ZNF385B: variants seen among roughly 807,000 people sequenced by gnomAD.
ZNF385B encodes the protein zinc finger protein 533.
In ZNF385B, 23 loss-of-function variants were observed where a neutral mutation model predicts 39.2. The observed-to-expected ratio is 0.59, with a 90% confidence interval of 0.42 to 0.83. The LOEUF (loss-of-function observed/expected upper bound fraction) is 0.83, where lower values mean the gene tolerates loss of function less well. Ranked by LOEUF, ZNF385B falls within the 40% of genes least tolerant of loss-of-function variation. The pLI is 0.00. For missense variants in ZNF385B, 552 were observed against 598.9 expected, an observed-to-expected ratio of 0.92 and a Z score of 0.82; for synonymous variants, 205 against 222.6, an observed-to-expected ratio of 0.92 and a Z score of 0.70.
At chr2:179,811,808 A>C (rs977887589) in intron 1 of ZNF385B, among the ~76,000 whole-genome samples, 1 of 152,148 alleles carries the variant, frequency 6.6e-6, no homozygotes, top group Non-Finnish European at 1.5e-5. Flanking sequence ...AGTGGGACCT[A>C]ATTAAAATAA....
intron 4 of ZNF385B, among the ~76,000 whole-genome samples, chr2:179,532,053 T>C (rs2059285361): frequency 6.6e-6 from 1 of 152,232 alleles, no homozygotes; most frequent in Admixed American, 6.5e-5. Flanking sequence ...TGCTCTGCAG[T>C]GATAATCGCT....
chr2:179,476,323 T>C (rs1228528411), intron 6 of ZNF385B, among the ~76,000 whole-genome samples: 1 of 152,192 alleles, frequency 6.6e-6, no homozygotes, highest in Non-Finnish European at 1.5e-5. Flanking sequence ...AAGTTGTATA[T>C]AAATGTAATA....
At chr2:179,810,434 AT>A (rs970530715) in intron 1 of ZNF385B, among the ~76,000 whole-genome samples, 55 of 152,010 alleles carry the variant, frequency 3.6e-4, no homozygotes, top group African/African-American at 1.3e-3. Flanking sequence ...TATATTCTTT[AT>A]TTTTTTAGTA....
chr2:179,703,394 C>G (rs571696103), intron 3 of ZNF385B, among the ~76,000 whole-genome samples: 2 of 152,156 alleles, frequency 1.3e-5, no homozygotes, highest in East Asian at 3.9e-4. Context: ...CATACACGCA[C>G]TTCAAAACCC....
chr2:179,720,925 GTTTTTTTTTTTTT>G (rs56131510), intron 3 of ZNF385B, among the ~76,000 whole-genome samples: 17 of 70,140 alleles, frequency 2.4e-4, no homozygotes, highest in South Asian at 1.9e-3. Context: ...ATGCCTGGCT[GTTTTTTTTTTTTT>G]TTTTTTTTTT....
rs897504525 is a variant in ZNF385B at position 179,651,983 on chromosome 2, C to T, written c.299-107014G>A. Among the ~76,000 whole-genome samples, 6 of 152,022 alleles carry T rather than the reference C, an allele frequency of 3.9e-5. No homozygotes were observed. In the South Asian group the frequency reaches 6.2e-4, roughly 16 times the overall value. On this transcript the variant is annotated intron_variant, in intron 3 of 9. Transcript: ENST00000410066. Reference sequence around the variant, plus strand: ...GTCATTTAGAGAAGACAGAAAGAGCCAAATTGTGTGCCAAAACTGTACTGC... The same window carrying T: ...GTCATTTAGAGAAGACAGAAAGAGCTAAATTGTGTGCCAAAACTGTACTGC...
chr2:179,810,688 A>G (rs1405142204), intron 1 of ZNF385B, among the ~76,000 whole-genome samples: 2 of 152,080 alleles, frequency 1.3e-5, no homozygotes, highest in Non-Finnish European at 2.9e-5. Context: ...GTAAACACAA[A>G]TAAAACCAAT....
intron 5 of ZNF385B, among the ~76,000 whole-genome samples, chr2:179,503,168 C>T (rs1574484749): frequency 6.6e-6 from 1 of 152,220 alleles, no homozygotes; most frequent in African/African-American, 2.4e-5. Context: ...AGCCACTGTG[C>T]CTGGTAAGAA....
chr2:179,550,523 A>G (rs2060499901), intron 3 of ZNF385B, among the ~76,000 whole-genome samples: 2 of 149,844 alleles, frequency 1.3e-5, no homozygotes, highest in Non-Finnish European at 3.0e-5. Flanking sequence ...GCTGTTTACC[A>G]TTTCATTAGC....
intron 4 of ZNF385B, among the ~76,000 whole-genome samples, chr2:179,529,175 C>A (rs2059112174): frequency 6.6e-6 from 1 of 152,120 alleles, no homozygotes; most frequent in Non-Finnish European, 1.5e-5. Context: ...ACTGAAAGGT[C>A]TGGTTGGTTA....
intron 3 of ZNF385B, among the ~76,000 whole-genome samples, chr2:179,545,466 T>G (rs2060174056): frequency 6.6e-6 from 1 of 152,122 alleles, no homozygotes; most frequent in South Asian, 2.1e-4. Context: ...CTCTCAAAGT[T>G]ATGATTCAAC....
chr2:179,514,844 T>A (rs2057972934), intron 5 of ZNF385B, among the ~76,000 whole-genome samples: 1 of 150,148 alleles, frequency 6.7e-6, no homozygotes, highest in African/African-American at 2.4e-5. Context: ...AATGGTACAA[T>A]CTCAGCTCAC....
At chr2:179,773,238 C>T (rs1316630143) in intron 1 of ZNF385B, among the ~76,000 whole-genome samples, 2 of 152,156 alleles carry the variant, frequency 1.3e-5, no homozygotes, top group African/African-American at 2.4e-5. Context: ...TACAGCAATA[C>T]ATTCTTTGAC....
intron 1 of ZNF385B, among the ~76,000 whole-genome samples, chr2:179,851,609 C>T (rs1005342241): frequency 1.3e-5 from 2 of 152,174 alleles, no homozygotes; most frequent in African/African-American, 4.8e-5. Flanking sequence ...GATAACAAAG[C>T]ATTATTTCAC....
intron 4 of ZNF385B, among the ~76,000 whole-genome samples, chr2:179,528,890 A>T (rs2059090522): frequency 6.6e-6 from 1 of 152,224 alleles, no homozygotes; most frequent in South Asian, 2.1e-4. Flanking sequence ...GCGGGGATCA[A>T]GAGTGATGCA....
chr2:179,583,603 A>G (rs1018061881), intron 3 of ZNF385B, among the ~76,000 whole-genome samples: 4 of 152,168 alleles, frequency 2.6e-5, no homozygotes, highest in Non-Finnish European at 5.9e-5. Context: ...TTTTCCCATA[A>G]CAGCATGCTA....
chr2:179,798,464 T>C (rs1182469477), intron 1 of ZNF385B, among the ~76,000 whole-genome samples: 1 of 152,158 alleles, frequency 6.6e-6, no homozygotes, highest in Non-Finnish European at 1.5e-5. Context: ...ACTGATACTG[T>C]AATTCAAATT....
At chr2:179,752,433 C>A (rs1270206112) in intron 3 of ZNF385B, among the ~76,000 whole-genome samples, 2 of 152,190 alleles carry the variant, frequency 1.3e-5, no homozygotes, top group African/African-American at 4.8e-5. Flanking sequence ...GATTTATAAT[C>A]CTTTGGGTAT....
At chr2:179,586,981 G>C (rs1258980646) in intron 3 of ZNF385B, among the ~76,000 whole-genome samples, 1 of 152,178 alleles carries the variant, frequency 6.6e-6, no homozygotes, top group Non-Finnish European at 1.5e-5. Context: ...GGAGGTTGTA[G>C]TGAGCCGAGA....
Sources: allele counts gnomAD v4.1 joint callset (sites outside exome capture counted in the v4.1 genomes callset), GRCh38; gene constraint gnomAD v4.1.1; transcripts MANE v1.5; gene names NCBI Gene and HGNC (gene_info 2026-07-23, HGNC 2026-07-21).